The following CFAP299 variants were observed in gnomAD, a reference collection of about 807,000 sequenced individuals.
CFAP299 encodes the protein cilia- and flagella-associated protein 299.
CFAP299 carries 21 observed loss-of-function variants against 27.0 expected under a neutral mutation model. That is an observed-to-expected ratio of 0.78 (90% CI 0.55 to 1.12). The LOEUF is 1.12. Among genes scored for constraint, CFAP299 ranks in the 50% most tolerant of loss-of-function variants. The pLI, the probability that CFAP299 is intolerant of heterozygous loss-of-function variation, is 0.00. For synonymous variants in CFAP299, 104 were observed against 98.1 expected (o/e 1.06, Z -0.36); for missense variants, 310 against 276.6 (o/e 1.12, Z -0.86).
At chr4:80,601,317 C>CT (rs1027993511) in intron 3 of CFAP299, among the ~76,000 whole-genome samples, 5 of 152,078 alleles carry the variant, frequency 3.3e-5, no homozygotes, top group Admixed American at 2.6e-4. Context: ...GTGGATCTGA[C>CT]TTAGATACTT....
intron 4 of CFAP299, among the ~76,000 whole-genome samples, chr4:80,889,329 A>T (rs544349476): frequency 2.0e-5 from 3 of 152,172 alleles, no homozygotes; most frequent in African/African-American, 7.2e-5. Flanking sequence ...TCAAAGGAAC[A>T]TTAGTGGCTA....
At chr4:80,675,680 G>C (rs764352715) in intron 3 of CFAP299, among the ~76,000 whole-genome samples, 1 of 152,200 alleles carries the variant, frequency 6.6e-6, no homozygotes, top group Non-Finnish European at 1.5e-5. Flanking sequence ...TTGCAGAGCT[G>C]TAGTGGGCTG....
chr4:80,708,706 A>G (rs915577046), intron 3 of CFAP299, among the ~76,000 whole-genome samples: 11 of 152,118 alleles, frequency 7.2e-5, no homozygotes, highest in African/African-American at 2.4e-5. Context: ...TTGTTATACT[A>G]TGAGCTCTCT....
intron 2 of CFAP299, among the ~76,000 whole-genome samples, chr4:80,399,593 A>C (rs910931875): frequency 1.3e-5 from 2 of 151,714 alleles, no homozygotes. Flanking sequence ...TTGCAAGGAC[A>C]AAAAACCAAA....
intron 3 of CFAP299, among the ~76,000 whole-genome samples, chr4:80,799,763 ATATAT>A (rs1436375008): frequency 4.2e-5 from 2 of 47,092 alleles, no homozygotes; most frequent in Admixed American, 4.3e-4. Context: ...TAATATATAA[ATATAT>A]TATATGATAT....
At chr4:80,545,816 T>C (rs1734201243) in intron 2 of CFAP299, among the ~76,000 whole-genome samples, 1 of 152,130 alleles carries the variant, frequency 6.6e-6, no homozygotes, top group Non-Finnish European at 1.5e-5. Context: ...CTGGTCAAAA[T>C]CTCTGATAAA....
intron 4 of CFAP299, among the ~76,000 whole-genome samples, chr4:80,892,806 A>G (rs1327779569): frequency 6.6e-6 from 1 of 152,130 alleles, no homozygotes; most frequent in Non-Finnish European, 1.5e-5. Flanking sequence ...CTTTTCCTCC[A>G]AGATAAGTAT....
intron 2 of CFAP299, among the ~76,000 whole-genome samples, chr4:80,477,697 G>A (rs1035670272): frequency 6.6e-6 from 1 of 152,032 alleles, no homozygotes; most frequent in Non-Finnish European, 1.5e-5. Flanking sequence ...ACGACACCTA[G>A]CACCTACTGT....
At chr4:80,399,282 G>A (rs1174492626) in intron 2 of CFAP299, among the ~76,000 whole-genome samples, 4 of 152,166 alleles carry the variant, frequency 2.6e-5, no homozygotes, top group Admixed American at 2.6e-4. Context: ...AGACAGTGTT[G>A]CGATTCCTCA....
intron 2 of CFAP299, among the ~76,000 whole-genome samples, chr4:80,459,771 T>C (rs1448016556): frequency 3.3e-5 from 5 of 152,152 alleles, no homozygotes; most frequent in Non-Finnish European, 7.4e-5. Flanking sequence ...TCTGCCAGCT[T>C]GTTAGGTCCA....
intron 2 of CFAP299, among the ~76,000 whole-genome samples, chr4:80,382,368 A>G (rs977874658): frequency 1.3e-5 from 2 of 152,246 alleles, no homozygotes; most frequent in Non-Finnish European, 2.9e-5. Flanking sequence ...GTGTTTCTGC[A>G]TAACAAAAGA....
At chr4:80,787,399 CCT>C (rs1727308416) in intron 3 of CFAP299, among the ~76,000 whole-genome samples, 1 of 151,448 alleles carries the variant, frequency 6.6e-6, no homozygotes, top group African/African-American at 2.4e-5. Flanking sequence ...CCTTTTCTTC[CCT>C]CTTTTCACTC....
chr4:80,581,076 A>C (rs967941), intron 2 of CFAP299, among the ~76,000 whole-genome samples: 100,220 of 151,528 alleles, frequency 0.66, 35,246 homozygotes, highest in Non-Finnish European at 0.78. Flanking sequence ...ACCACTGTTG[A>C]TTTATGTACT....
intron 1 of CFAP299, among the ~76,000 whole-genome samples, chr4:80,359,132 T>C (rs953220481): frequency 1.3e-5 from 2 of 152,196 alleles, no homozygotes; most frequent in Non-Finnish European, 2.9e-5. Flanking sequence ...TCTTTAAGAA[T>C]GTTGAATATT....
chr4:80,839,733 T>C (rs2110137872), intron 3 of CFAP299, among the ~76,000 whole-genome samples: 1 of 151,040 alleles, frequency 6.6e-6, no homozygotes, highest in South Asian at 2.1e-4. Context: ...CAAACTTCTT[T>C]GAAAAAAAAA....
chr4:80,499,914 T>A (rs1016995260), intron 2 of CFAP299, among the ~76,000 whole-genome samples: 2 of 152,174 alleles, frequency 1.3e-5, no homozygotes, highest in African/African-American at 4.8e-5. Flanking sequence ...AATTAGCCGT[T>A]AATAGCTAGT....
At chr4:80,853,991 T>C (rs1731680978) in intron 3 of CFAP299, among the ~76,000 whole-genome samples, 1 of 152,154 alleles carries the variant, frequency 6.6e-6, no homozygotes, top group Non-Finnish European at 1.5e-5. Flanking sequence ...TTCATGGAAC[T>C]GGATAAGATC....
chr4:80,928,404 T>C (rs1405916579), intron 4 of CFAP299, among the ~76,000 whole-genome samples: 1 of 152,144 alleles, frequency 6.6e-6, no homozygotes, highest in Non-Finnish European at 1.5e-5. Flanking sequence ...TATTTTGTCA[T>C]GTCCAGTCAT....
chr4:80,866,371 G>A (rs1732748438), intron 3 of CFAP299, among the ~76,000 whole-genome samples: 1 of 151,972 alleles, frequency 6.6e-6, no homozygotes. Flanking sequence ...GCTCAGGGCA[G>A]ATGACCCTGA....
Sources: allele counts gnomAD v4.1 joint callset (sites outside exome capture counted in the v4.1 genomes callset), GRCh38; gene constraint gnomAD v4.1.1; transcripts MANE v1.5; gene names NCBI Gene and HGNC (gene_info 2026-07-23, HGNC 2026-07-21).